Variants in RGL1 observed in about 807,000 individuals in gnomAD.
The protein encoded by RGL1 is ral guanine nucleotide dissociation stimulator-like 1.
Under a neutral mutation model 95.2 loss-of-function variants are expected in RGL1, and 24 were observed. That is an observed-to-expected ratio of 0.25 (90% CI 0.18 to 0.35). The LOEUF is 0.35. Among genes scored for constraint, RGL1 ranks in the 10% least tolerant of loss-of-function variants. RGL1 has a pLI of 1.00. For missense variants in RGL1, 715 were observed against 936.3 expected (o/e 0.76, Z 3.08); for synonymous variants, 329 against 344.9 (o/e 0.95, Z 0.51).
chr1:183,844,224 C>G (rs908493409), intron 2 of RGL1, among the ~76,000 whole-genome samples: 3 of 152,082 alleles, frequency 2.0e-5, no homozygotes, highest in Non-Finnish European at 4.4e-5. Flanking sequence ...CACAAAACAT[C>G]CTGACATTTT....
intron 1 of RGL1, among the ~76,000 whole-genome samples, chr1:183,659,557 T>C (rs1421962733): frequency 6.6e-6 from 1 of 151,964 alleles, no homozygotes; most frequent in Admixed American, 6.6e-5. Context: ...TGGGACTATG[T>C]GAAAAGACCA....
chr1:183,695,828 G>T (rs544204490), intron 1 of RGL1, among the ~76,000 whole-genome samples: 4 of 152,062 alleles, frequency 2.6e-5, no homozygotes, highest in Non-Finnish European at 5.9e-5. Flanking sequence ...GTAGATGTGA[G>T]TTGGAGCCTT....
At chr1:183,711,642 GT>G (rs1655277578) in intron 1 of RGL1, among the ~76,000 whole-genome samples, 1 of 152,144 alleles carries the variant, frequency 6.6e-6, no homozygotes, top group Non-Finnish European at 1.5e-5. Flanking sequence ...TTCATTCCAT[GT>G]CCTGTTATAA....
At chr1:183,857,433 A>G (rs528187110) in intron 3 of RGL1, among the ~76,000 whole-genome samples, 1 of 152,242 alleles carries the variant, frequency 6.6e-6, no homozygotes, top group Non-Finnish European at 1.5e-5. Flanking sequence ...AATTTATTCC[A>G]GCAACACAGA....
At chr1:183,905,654 A>C (rs1668276819) in intron 13 of RGL1, among the ~76,000 whole-genome samples, 1 of 152,132 alleles carries the variant, frequency 6.6e-6, no homozygotes, top group Non-Finnish European at 1.5e-5. Flanking sequence ...GAACAGTTTA[A>C]AAATAGTGGG....
chr1:183,710,164 C>A, intron 1 of RGL1: 1 of 221,510 alleles, frequency 4.5e-6, no homozygotes, highest in South Asian at 6.4e-5. Flanking sequence ...GCTCACGCTT[C>A]ATGGCTCTCA....
Position 183,638,741 on chromosome 1 carries a change from CTTG to C in RGL1, c.-33+2245_-33+2247del, listed in dbSNP as rs71795039. On this transcript the variant is annotated intron_variant, in intron 1 of 18. Coordinates refer to the RGL1 transcript ENST00000304685. Reference sequence around the variant, plus strand: ...ATTTATAAGGTTTTAAGACATTTTACTTGTTGTGCAAATAACCTGGTTTGGTTC... The same window carrying C: ...ATTTATAAGGTTTTAAGACATTTTACTTGTGCAAATAACCTGGTTTGGTTC... 1.9e-3 allele frequency among the ~76,000 whole-genome samples: 286 copies of C among 152,188 alleles called. 6 individuals are homozygous for C. The East Asian group carries it at 0.043, about 23-fold the overall frequency.
At chr1:183,642,151 G>C (rs1446460227) in intron 1 of RGL1, among the ~76,000 whole-genome samples, 1 of 152,192 alleles carries the variant, frequency 6.6e-6, no homozygotes, top group Non-Finnish European at 1.5e-5. Context: ...AAATTTGAAA[G>C]ATCCTGCAAT....
chr1:183,917,565 T>C (rs1385340939), intron 16 of RGL1, among the ~76,000 whole-genome samples: 1 of 152,252 alleles, frequency 6.6e-6, no homozygotes, highest in East Asian at 1.9e-4. Context: ...GCATAAGTGG[T>C]ATGGAGGCTC....
At chr1:183,775,910 T>C (rs1259493407) in intron 2 of RGL1, among the ~76,000 whole-genome samples, 1 of 152,208 alleles carries the variant, frequency 6.6e-6, no homozygotes, top group Non-Finnish European at 1.5e-5. Flanking sequence ...AGTACCATGA[T>C]TATATATATT....
chr1:183,653,302 T>C (rs1329850819), intron 1 of RGL1: 1 of 152,284 alleles, frequency 6.6e-6, no homozygotes, highest in Non-Finnish European at 1.5e-5. Context: ...TGTGGCTACC[T>C]CTAAGAACAC....
chr1:183,713,858 G>A (rs1177869016), intron 1 of RGL1, among the ~76,000 whole-genome samples: 10 of 152,106 alleles, frequency 6.6e-5, no homozygotes, highest in East Asian at 1.9e-4. Context: ...TTTATTCACC[G>A]CTGTATCCCT....
At chr1:183,641,365 G>A (rs1205079364) in intron 1 of RGL1, among the ~76,000 whole-genome samples, 1 of 152,042 alleles carries the variant, frequency 6.6e-6, no homozygotes, top group Non-Finnish European at 1.5e-5. Context: ...GAACTCCTGA[G>A]CACAAGCAAT....
chr1:183,831,775 A>T (rs1663272083), intron 2 of RGL1, among the ~76,000 whole-genome samples: 1 of 152,206 alleles, frequency 6.6e-6, no homozygotes, highest in Admixed American at 6.5e-5. Flanking sequence ...ATTTGGTTGA[A>T]GGCCAATTTC....
chr1:183,654,138 A>C (rs1650972417), intron 1 of RGL1, among the ~76,000 whole-genome samples: 1 of 152,204 alleles, frequency 6.6e-6, no homozygotes, highest in Non-Finnish European at 1.5e-5. Flanking sequence ...CCACTGTCAG[A>C]CTTCCAGTCT....
chr1:183,897,405 G>A (rs1667761056), intron 9 of RGL1, among the ~76,000 whole-genome samples: 1 of 152,076 alleles, frequency 6.6e-6, no homozygotes, highest in African/African-American at 2.4e-5. Flanking sequence ...ATAAAAATTA[G>A]CCAGGTGGTG....
In RGL1 at chr1:183,636,305, C is replaced by T. The variant is rs1010613864; in HGVS notation, c.-229C>T. The T allele has an allele frequency of 3.8e-5, 15 of 396,774 alleles. No individual in the cohort carries two copies. The South Asian group carries it at 4.2e-4, about 11-fold the overall frequency. The allele number at this position is 396,774 out of a possible 1,614,324, so 24.6% of individuals were successfully genotyped here. A position where few individuals can be genotyped will look rare whatever the true frequency, so the allele number is the denominator to read the frequency against. ...TGATGCACACCCGGGCGCCCAGCATCGTTCTAATTGCCGGAGACATTGCCT... is the reference window on the plus strand; with the variant it reads ...TGATGCACACCCGGGCGCCCAGCATTGTTCTAATTGCCGGAGACATTGCCT... On this transcript the variant is annotated 5_prime_UTR_variant, in exon 1 of 19. Transcript: ENST00000304685.
chr1:183,867,778 C>A (rs1665927500), intron 4 of RGL1, among the ~76,000 whole-genome samples: 1 of 151,936 alleles, frequency 6.6e-6, no homozygotes, highest in Admixed American at 6.6e-5. Flanking sequence ...TGCCTGAAAC[C>A]ACTAGTGTTA....
In RGL1 at chr1:183,928,163, TA is replaced by T. The variant is rs398053593; in HGVS notation, c.*1884del. ...CAGCCTGATATTCTTGGTGCGAAGGTAAAAAAAAAAAAATAAATAAAACCAT... is the reference window on the plus strand; with the variant it reads ...CAGCCTGATATTCTTGGTGCGAAGGTAAAAAAAAAAAATAAATAAAACCAT... On this transcript the variant is annotated 3_prime_UTR_variant, in exon 18 of 18. Coordinates refer to ENST00000360851, the MANE Select transcript of RGL1 (RefSeq NM_001297671.3). 0.018 allele frequency: 2,647 copies of T among 144,318 alleles called. 35 individuals carry two copies. Among genetic ancestry groups the T allele is most frequent in the South Asian group, 0.029 (130 of 4,466 alleles). The allele number at this position is 144,318 out of a possible 1,614,324, so 8.9% of individuals were successfully genotyped here.
Sources: allele counts gnomAD v4.1 joint callset (sites outside exome capture counted in the v4.1 genomes callset), GRCh38; gene constraint gnomAD v4.1.1; transcripts MANE v1.5; gene names NCBI Gene and HGNC (gene_info 2026-07-23, HGNC 2026-07-21).